The following SLC39A11 variants were observed in gnomAD, a reference collection of about 807,000 sequenced individuals.
SLC39A11 encodes the protein solute carrier family 39 member 11, also known as zinc transporter ZIP11.
SLC39A11 carries 33 observed loss-of-function variants against 36.1 expected under a neutral mutation model. The ratio of observed to expected loss-of-function variants is 0.91; its 90% CI spans 0.69 to 1.22. The LOEUF (loss-of-function observed/expected upper bound fraction) is 1.22, where lower values mean the gene tolerates loss of function less well. Ranked by LOEUF, SLC39A11 falls within the 50% of genes most tolerant of loss-of-function variation. The pLI is 0.00. For synonymous variants in SLC39A11, 166 were observed against 170.3 expected (o/e 0.97, Z 0.20); for missense variants, 432 against 430.3 (o/e 1.00, Z -0.03).
intron 7 of SLC39A11, among the ~76,000 whole-genome samples, chr17:72,656,194 A>C (rs188799086): frequency 6.6e-6 from 1 of 152,192 alleles, no homozygotes; most frequent in African/African-American, 2.4e-5. Flanking sequence ...ATACAAACCC[A>C]TGCCCTTCTG....
intron 5 of SLC39A11, among the ~76,000 whole-genome samples, chr17:72,907,606 A>G (rs2082725909): frequency 6.6e-6 from 1 of 152,194 alleles, no homozygotes; most frequent in Admixed American, 6.5e-5. Flanking sequence ...TTCCTGCCTC[A>G]CAGAAGTTCT....
intron 5 of SLC39A11, among the ~76,000 whole-genome samples, chr17:72,915,333 T>G (rs989057545): frequency 2.6e-5 from 4 of 152,120 alleles, no homozygotes; most frequent in Admixed American, 2.6e-4. Flanking sequence ...CCCACCAGAA[T>G]TGTTCAAACT....
chr17:72,802,354 C>T (rs2077114902), intron 6 of SLC39A11, among the ~76,000 whole-genome samples: 1 of 152,128 alleles, frequency 6.6e-6, no homozygotes, highest in Non-Finnish European at 1.5e-5. Context: ...CTTTGGGAGG[C>T]TGAGGCAGGT....
intron 4 of SLC39A11, among the ~76,000 whole-genome samples, chr17:72,959,173 G>A (rs2086436507): frequency 6.6e-6 from 1 of 151,604 alleles, no homozygotes; most frequent in Admixed American, 6.6e-5. Context: ...TGGGTATCTA[G>A]CCAGAGGAAA....
At chr17:72,966,670 C>A (rs901355437) in intron 4 of SLC39A11, among the ~76,000 whole-genome samples, 1 of 152,120 alleles carries the variant, frequency 6.6e-6, no homozygotes, top group African/African-American at 2.4e-5. Context: ...CCCGGGTTCA[C>A]GCCATTCTCC....
chr17:72,938,184 C>T (rs2084888443), intron 5 of SLC39A11, among the ~76,000 whole-genome samples: 1 of 152,196 alleles, frequency 6.6e-6, no homozygotes, highest in Non-Finnish European at 1.5e-5. Context: ...GAAAGCAGAA[C>T]AGAATGCTAG....
rs147932183 is a variant in SLC39A11 at position 72,740,443 on chromosome 17, C to T, written c.602-3724G>A. Among the ~76,000 whole-genome samples, 5 of 152,102 alleles carry T rather than the reference C, an allele frequency of 3.3e-5. No individual in the cohort carries two copies. In the East Asian group the frequency reaches 7.7e-4, roughly 23 times the overall value. The stretch of plus-strand genomic sequence containing the variant: ...CCGTACTGTATTTATCAAGACCGTA[C>T]GTTTATGTTGTCTGTTTATAAAGAG... On this transcript the variant is annotated intron_variant, in intron 6 of 9. Coordinates refer to ENST00000255559, the MANE Select transcript of SLC39A11 (RefSeq NM_139177.4).
intron 5 of SLC39A11, among the ~76,000 whole-genome samples, chr17:72,919,805 A>G (rs2083550700): frequency 6.6e-6 from 1 of 152,140 alleles, no homozygotes; most frequent in Non-Finnish European, 1.5e-5. Flanking sequence ...CCACAGCTGC[A>G]TCTCTGATGC....
At chr17:73,091,455 A>AAAAT (rs761632978) in intron 1 of SLC39A11, among the ~76,000 whole-genome samples, 4 of 152,254 alleles carry the variant, frequency 2.6e-5, no homozygotes, top group Non-Finnish European at 5.9e-5. Flanking sequence ...AAAAAAAATA[A>AAAAT]AAATAAATAA....
intron 3 of SLC39A11, among the ~76,000 whole-genome samples, chr17:73,079,718 G>A (rs111516080): frequency 2.3e-4 from 35 of 152,226 alleles, no homozygotes; most frequent in African/African-American, 6.3e-4. Context: ...GCTGTTTGCC[G>A]ACGATATGAT....
chr17:72,874,794 T>C (rs1338994271), intron 5 of SLC39A11, among the ~76,000 whole-genome samples: 1 of 152,220 alleles, frequency 6.6e-6, no homozygotes, highest in Non-Finnish European at 1.5e-5. Flanking sequence ...CCCATTCCCC[T>C]GTCCCGCTCT....
intron 5 of SLC39A11, among the ~76,000 whole-genome samples, chr17:72,946,678 G>C (rs1216281874): frequency 6.6e-6 from 1 of 152,104 alleles, no homozygotes. Flanking sequence ...TTCGTCCCCG[G>C]GGTCTTGCAG....
chr17:72,923,934 C>A (rs9916218), intron 5 of SLC39A11, among the ~76,000 whole-genome samples: 85,768 of 151,180 alleles, frequency 0.57, 24,906 homozygotes, highest in African/African-American at 0.69. Flanking sequence ...CTTTTGAGCC[C>A]AGGAGTTCAA....
chr17:72,732,612 C>G (rs1288091768), intron 7 of SLC39A11, among the ~76,000 whole-genome samples: 2 of 152,170 alleles, frequency 1.3e-5, no homozygotes, highest in African/African-American at 4.8e-5. Context: ...TGAGTGCTAT[C>G]TTTCCTGCGC....
chr17:72,977,203 T>C (rs1598687196), intron 4 of SLC39A11, among the ~76,000 whole-genome samples: 1 of 152,086 alleles, frequency 6.6e-6, no homozygotes, highest in African/African-American at 2.4e-5. Flanking sequence ...GGGAGCCACA[T>C]GGGAAGGAAT....
At chr17:72,740,295 G>A (rs2074632406) in intron 6 of SLC39A11, among the ~76,000 whole-genome samples, 1 of 151,916 alleles carries the variant, frequency 6.6e-6, no homozygotes. Context: ...TTGATCTCCT[G>A]ACCTCGTGAT....
At chr17:72,880,764 C>G (rs2081156266) in intron 5 of SLC39A11, among the ~76,000 whole-genome samples, 1 of 151,248 alleles carries the variant, frequency 6.6e-6, no homozygotes, top group African/African-American at 2.4e-5. Context: ...TCACTGCAAG[C>G]TCTGCCTTCT....
At chr17:73,047,990 A>AAAAAAATATATAT (rs1555693446) in intron 3 of SLC39A11, among the ~76,000 whole-genome samples, 4 of 58,700 alleles carry the variant, frequency 6.8e-5, no homozygotes, top group Non-Finnish European at 9.0e-5. Context: ...AAAAAAAAAA[A>AAAAAAATATATAT]ATATATATAT....
At chr17:72,796,555 G>T (rs1183292646) in intron 6 of SLC39A11, among the ~76,000 whole-genome samples, 1 of 152,118 alleles carries the variant, frequency 6.6e-6, no homozygotes, top group African/African-American at 2.4e-5. Context: ...GGGGAAGGGC[G>T]AGTGGCAAAG....
Sources: gnomAD v4.1 joint callset for allele counts (sites outside exome capture counted in the v4.1 genomes callset) on GRCh38, gnomAD v4.1.1 for gene constraint, MANE v1.5 for transcripts, NCBI Gene and HGNC (gene_info 2026-07-23, HGNC 2026-07-21) for gene names.